Variants in NCS1 observed in about 807,000 individuals in gnomAD.
NCS1 encodes frequenin homolog.
Under a neutral mutation model 28.4 loss-of-function variants are expected in NCS1, and 6 were observed. That is an observed-to-expected ratio of 0.21 (90% CI 0.12 to 0.42). NCS1 has a LOEUF of 0.42. NCS1 is among the 10% of genes least tolerant of loss of function. The pLI is 1.00. For synonymous variants in NCS1, 86 were observed against 99.3 expected (o/e 0.87, Z 0.79); for missense variants, 131 against 241.4 (o/e 0.54, Z 3.03).
At chr9:130,216,703 G>A (rs1185035406) in intron 2 of NCS1, among the ~76,000 whole-genome samples, 1 of 149,074 alleles carries the variant, frequency 6.7e-6, no homozygotes, top group Non-Finnish European at 1.5e-5. Flanking sequence ...GCGACACAGT[G>A]AGACTCTGTC....
chr9:130,173,665 A>T (rs1313132470), intron 1 of NCS1, among the ~76,000 whole-genome samples: 1 of 152,098 alleles, frequency 6.6e-6, no homozygotes, highest in Non-Finnish European at 1.5e-5. Context: ...TTGGAAGGGG[A>T]CAGTGGTTCT....
At chr9:130,212,837 A>T (rs1469223354) in intron 2 of NCS1, among the ~76,000 whole-genome samples, 1 of 152,116 alleles carries the variant, frequency 6.6e-6, no homozygotes, top group Admixed American at 6.5e-5. Flanking sequence ...CAGCTGCTTC[A>T]GGGGGTCCTG....
intron 1 of NCS1, among the ~76,000 whole-genome samples, chr9:130,193,184 G>A (rs1832839037): frequency 6.6e-6 from 1 of 152,222 alleles, no homozygotes; most frequent in Admixed American, 6.5e-5. Context: ...CCTATTCTCA[G>A]GAGATGGTAC....
In NCS1 at chr9:130,233,730, C is replaced by T. The variant is rs1833532182; in HGVS notation, c.*758C>T. ...CGGGCCCACCGTTTACATGTGCACG[C>T]CCTGACCCACCTGCCCACGCCGACT... is the stretch of plus-strand genomic sequence containing the variant. On this transcript the variant is annotated 3_prime_UTR_variant, in exon 8 of 8. Transcript: ENST00000372398. The surrounding 1 kb of genome is among the most constrained non-coding windows in gnomAD (Gnocchi z 4.8). The T allele has an allele frequency of 6.6e-6, 1 of 152,476 alleles. No individual in the cohort carries two copies. 9.4% of individuals were successfully genotyped at this position (152,476 alleles called of 1,614,324 possible).
At chr9:130,187,804 G>C (rs1171935911) in intron 1 of NCS1, among the ~76,000 whole-genome samples, 1 of 152,198 alleles carries the variant, frequency 6.6e-6, no homozygotes, top group African/African-American at 2.4e-5. Context: ...CATCCAGAGG[G>C]CTCCCTGCTC....
At chr9:130,173,563 G>A (rs1368964347) in intron 1 of NCS1, among the ~76,000 whole-genome samples, 1 of 152,214 alleles carries the variant, frequency 6.6e-6, no homozygotes, top group African/African-American at 2.4e-5. Context: ...CATACCAGGG[G>A]TTAATGGTAA....
rs782767025 is a variant in NCS1 at position 130,226,473 on chromosome 9, G to A, written c.559G>A (p.Asp187Asn). 1.2e-6 allele frequency: 2 copies of A among 1,613,658 alleles called. No homozygotes were observed. Among genetic ancestry groups the A allele is most frequent in the Non-Finnish European group, 1.7e-6 (2 of 1,179,794 alleles). ...CATTGTGCAGGCGCTGTCCCTCTAC[G>A]ACGGGCTGGTATAGTCCCAGGCTGG... ...PSIVQALSLY[D>N]GLV Residue 187 changes from aspartate (D) to asparagine (N), a missense_variant, in exon 7 of 8, where the codon GAC becomes AAC. Physicochemically the swap from Asp to Asn is conservative, Grantham distance 23 (BLOSUM62 1). This residue lies in a region of NCS1 where 100 missense variants were observed against 210.3 expected (regional missense o/e 0.48). Coordinates refer to ENST00000372398, the MANE Select transcript of NCS1 (RefSeq NM_014286.4). This position sits in a 1 kb window ranked among gnomAD's most constrained non-coding sequence, Gnocchi z 4.8.
chr9:130,201,305 T>C (rs1832944719), intron 2 of NCS1, among the ~76,000 whole-genome samples: 1 of 152,202 alleles, frequency 6.6e-6, no homozygotes, highest in Non-Finnish European at 1.5e-5. Flanking sequence ...AAAGTCCTTC[T>C]ATGACCTTGA....
At chr9:130,206,077 C>T (rs372374175) in intron 2 of NCS1, among the ~76,000 whole-genome samples, 21 of 152,330 alleles carry the variant, frequency 1.4e-4, no homozygotes, top group African/African-American at 4.3e-4. Flanking sequence ...TAGACAGTGA[C>T]ACTCTGCCCT....
At chr9:130,205,658 T>G (rs1261068981) in intron 2 of NCS1, among the ~76,000 whole-genome samples, 1 of 144,268 alleles carries the variant, frequency 6.9e-6, no homozygotes, top group South Asian at 2.2e-4. Context: ...GCACATAAGG[T>G]GATCTCGTCT....
chr9:130,178,700 G>A lies in NCS1; in HGVS notation c.64+5973G>A, dbSNP rs73543592. Among the ~76,000 whole-genome samples the A allele has an allele frequency of 1.4e-3, 212 of 152,176 alleles. 2 individuals carry two copies. Among genetic ancestry groups the A allele is most frequent in the African/African-American group, 4.9e-3 (203 of 41,552 alleles). ...AAAAATTGTTGTTGGCTGCAGTCCC[G>A]GAATGGACTGGCGGGGAAGAGGGGT... On this transcript the variant is annotated intron_variant, in intron 1 of 7. Transcript: ENST00000372398.
intron 1 of NCS1, among the ~76,000 whole-genome samples, chr9:130,184,864 C>T (rs1294194405): frequency 6.6e-6 from 1 of 151,782 alleles, no homozygotes; most frequent in Admixed American, 6.6e-5. Flanking sequence ...GATTTCCTGA[C>T]CTTGATCCGC....
rs7848440 is a variant in NCS1 at position 130,215,159 on chromosome 9, T to C, written c.90-2673T>C. Among the ~76,000 whole-genome samples the C allele has an allele frequency of 0.94, 143,320 of 152,366 alleles. 67,418 individuals are homozygous for C. The highest frequency in any genetic ancestry group is 1 in the East Asian group (5,178 of 5,180). On this transcript the variant is annotated intron_variant, in intron 2 of 7. Transcript: ENST00000372398. This position sits in a 1 kb window ranked among gnomAD's most constrained non-coding sequence, Gnocchi z 4.2. Reference sequence around the variant, plus strand: ...GACATCCAGAGATGTCTGGTGACAGTTGGGTGTGCCCCCACATGGGTCATT... The same window carrying C: ...GACATCCAGAGATGTCTGGTGACAGCTGGGTGTGCCCCCACATGGGTCATT...
chr9:130,195,582 C>T (rs1554906746), intron 1 of NCS1, among the ~76,000 whole-genome samples: 1 of 152,198 alleles, frequency 6.6e-6, no homozygotes, highest in East Asian at 1.9e-4. Context: ...CGCCACCACA[C>T]CCGGCTAATT....
chr9:130,230,072 C>T (rs1833478504), intron 7 of NCS1, among the ~76,000 whole-genome samples: 1 of 152,176 alleles, frequency 6.6e-6, no homozygotes, highest in Non-Finnish European at 1.5e-5. Context: ...TATTATGGGC[C>T]AGGCGCACTG....
At chr9:130,193,107 C>T (rs906566801) in intron 1 of NCS1, among the ~76,000 whole-genome samples, 2 of 152,174 alleles carry the variant, frequency 1.3e-5, no homozygotes, top group Non-Finnish European at 1.5e-5. Context: ...GTGCGGCCAG[C>T]GGTGCACTCC....
chr9:130,217,771 G>T, intron 2 of NCS1, 61 bp from the exon 3 acceptor site: 2 of 1,611,938 alleles, frequency 1.2e-6, no homozygotes, highest in Non-Finnish European at 8.5e-7. Flanking sequence ...GGCGATGTTG[G>T]TGGTGGGTGG....
Position 130,183,101 on chromosome 9 carries a change from C to T in NCS1, c.64+10374C>T, listed in dbSNP as rs540244224. Among the ~76,000 whole-genome samples, 4 of 152,322 alleles carry T rather than the reference C, an allele frequency of 2.6e-5. No homozygotes were observed. In the South Asian group the frequency reaches 8.3e-4, roughly 32 times the overall value. ...TGCTGTGGTTTGCTCTCCCTGGTGA[C>T]CAGGACAGGACCTGCCTGTGCTCCT... is the stretch of plus-strand genomic sequence containing the variant. On this transcript the variant is annotated intron_variant, in intron 1 of 7. Coordinates refer to ENST00000372398, the MANE Select transcript of NCS1 (RefSeq NM_014286.4).
intron 2 of NCS1, among the ~76,000 whole-genome samples, chr9:130,208,353 C>T (rs139642773): frequency 4.6e-5 from 7 of 152,090 alleles, no homozygotes; most frequent in African/African-American, 1.7e-4. Flanking sequence ...AATCTTGGCT[C>T]ACTGCAACTC....
Sources: allele counts gnomAD v4.1 joint callset (sites outside exome capture counted in the v4.1 genomes callset), GRCh38; gene constraint gnomAD v4.1.1; regional missense constraint gnomAD v4.1.1; non-coding constraint Gnocchi (gnomAD v3.1); transcripts MANE v1.5; gene names NCBI Gene and HGNC (gene_info 2026-07-23, HGNC 2026-07-21).